CADM1: variants seen among roughly 807,000 people sequenced by gnomAD.
CADM1 encodes TSLC-1.
Under a neutral mutation model 53.1 loss-of-function variants are expected in CADM1, and 15 were observed. The ratio of observed to expected loss-of-function variants is 0.28; its 90% confidence interval spans 0.19 to 0.44. CADM1 has a LOEUF of 0.44. Among genes scored for constraint, CADM1 ranks in the 20% least tolerant of loss-of-function variants. The pLI, the probability that CADM1 is intolerant of heterozygous loss-of-function variation, is 1.00. For synonymous variants in CADM1, 281 were observed against 243.0 expected, an observed-to-expected ratio of 1.16 and a Z score of -1.45; for missense variants, 434 against 611.3, an observed-to-expected ratio of 0.71 and a Z score of 3.06.
At chr11:115,496,375 G>C (rs753538277) in intron 1 of CADM1, among the ~76,000 whole-genome samples, 1 of 152,176 alleles carries the variant, frequency 6.6e-6, no homozygotes, top group Non-Finnish European at 1.5e-5. Flanking sequence ...GATAAAGAGA[G>C]TATTTTATGC....
chr11:115,283,149 C>T (rs1439664052), intron 1 of CADM1, among the ~76,000 whole-genome samples: 2 of 152,092 alleles, frequency 1.3e-5, no homozygotes, highest in African/African-American at 4.8e-5. Context: ...ATATAGTTTT[C>T]TAAAATTAAG....
rs1288746524 is a variant in CADM1, at chr11:115,173,384, GCCA to G, written c.*3087_*3089del. 2 of 152,374 alleles carry G rather than the reference GCCA, an allele frequency of 1.3e-5. No homozygotes were observed. Among genetic ancestry groups the G allele is most frequent in the Non-Finnish European group, 2.9e-5 (2 of 68,166 alleles). The allele number at this position is 152,374 out of a possible 1,614,324, so 9.4% of individuals were successfully genotyped here. A position where few individuals can be genotyped will look rare whatever the true frequency, so the allele number is the denominator to read the frequency against. On this transcript the variant is annotated 3_prime_UTR_variant, in exon 12 of 12. Transcript: ENST00000331581. ...GAGTCCACGTGGGAGCCCAGACTCA[GCCA>G]CGGCACAGCACTTGGCTCACCTGTC...
chr11:115,321,206 A>G (rs1565363824), intron 1 of CADM1, among the ~76,000 whole-genome samples: 1 of 152,230 alleles, frequency 6.6e-6, no homozygotes, highest in Admixed American at 6.5e-5. Flanking sequence ...CTATCCCTTA[A>G]CAATGAAAGT....
At chr11:115,295,550 A>ATATATT (rs371584699) in intron 1 of CADM1, among the ~76,000 whole-genome samples, 158 of 52,962 alleles carry the variant, frequency 3.0e-3, no homozygotes, top group Non-Finnish European at 3.7e-3. Context: ...ATATATATAT[A>ATATATT]ATATATATGT....
chr11:115,233,060 A>G (rs1941879481), intron 3 of CADM1, among the ~76,000 whole-genome samples: 1 of 152,254 alleles, frequency 6.6e-6, no homozygotes, highest in African/African-American at 2.4e-5. Flanking sequence ...GGAGCAGTTG[A>G]AAATTCCTAT....
At chr11:115,466,648 T>C (rs1463509993) in intron 1 of CADM1, among the ~76,000 whole-genome samples, 1 of 152,134 alleles carries the variant, frequency 6.6e-6, no homozygotes, top group Non-Finnish European at 1.5e-5. Flanking sequence ...GAGATCAAAT[T>C]TGGACGAGGA....
chr11:115,294,620 G>C (rs769945402), intron 1 of CADM1, among the ~76,000 whole-genome samples: 4 of 151,980 alleles, frequency 2.6e-5, no homozygotes, highest in Admixed American at 6.6e-5. Context: ...TTCTTCTGAG[G>C]GTTCTTATAA....
intron 1 of CADM1, among the ~76,000 whole-genome samples, chr11:115,472,443 G>A (rs1949036989): frequency 6.6e-6 from 1 of 151,724 alleles, no homozygotes; most frequent in Non-Finnish European, 1.5e-5. Context: ...ACATATATAT[G>A]TATATAGGGG....
At chr11:115,364,309 T>C (rs1946103091) in intron 1 of CADM1, among the ~76,000 whole-genome samples, 1 of 152,238 alleles carries the variant, frequency 6.6e-6, no homozygotes, top group African/African-American at 2.4e-5. Context: ...TTTACATTTA[T>C]GCCCATCCTT....
At chr11:115,217,647 T>C (rs577727311) in intron 6 of CADM1, among the ~76,000 whole-genome samples, 2 of 152,338 alleles carry the variant, frequency 1.3e-5, no homozygotes, top group African/African-American at 2.4e-5. Context: ...ATCATGTTGA[T>C]AATAATAAAA....
intron 1 of CADM1, among the ~76,000 whole-genome samples, chr11:115,338,929 T>C (rs1394808941): frequency 6.9e-6 from 1 of 144,966 alleles, no homozygotes; most frequent in African/African-American, 2.6e-5. Context: ...AGTTTTAGGG[T>C]ACATGTGCAC....
chr11:115,414,547 G>C (rs1188716765), intron 1 of CADM1, among the ~76,000 whole-genome samples: 1 of 152,030 alleles, frequency 6.6e-6, no homozygotes, highest in Admixed American at 6.6e-5. Context: ...TCTCATCAAA[G>C]GAACAGAATT....
chr11:115,213,581 A>G (rs1941055839), intron 7 of CADM1, among the ~76,000 whole-genome samples: 1 of 152,030 alleles, frequency 6.6e-6, no homozygotes, highest in Non-Finnish European at 1.5e-5. Flanking sequence ...AAAGACTGCC[A>G]CTCCTATTTT....
intron 9 of CADM1, among the ~76,000 whole-genome samples, chr11:115,192,248 AC>A (rs1382452271): frequency 6.6e-6 from 1 of 152,222 alleles, no homozygotes; most frequent in African/African-American, 2.4e-5. Flanking sequence ...CGGCTGTCAC[AC>A]CATCAACCCT....
chr11:115,200,299 C>T (rs2134687451), intron 8 of CADM1, among the ~76,000 whole-genome samples: 1 of 152,288 alleles, frequency 6.6e-6, no homozygotes, highest in African/African-American at 2.4e-5. Context: ...GACACATTTC[C>T]TTAGTTGAAA....
intron 1 of CADM1, among the ~76,000 whole-genome samples, chr11:115,284,933 A>T (rs774521070): frequency 2.0e-5 from 3 of 152,264 alleles, no homozygotes; most frequent in Non-Finnish European, 4.4e-5. Context: ...ACTCTATCCA[A>T]GAATGCCATG....
intron 1 of CADM1, among the ~76,000 whole-genome samples, chr11:115,496,939 T>C (rs1363450358): frequency 1.3e-5 from 2 of 152,172 alleles, no homozygotes; most frequent in Admixed American, 1.3e-4. Context: ...CGTTAACTTT[T>C]AGGTTAATCC....
At chr11:115,374,829 A>C (rs916174844) in intron 1 of CADM1, among the ~76,000 whole-genome samples, 19 of 152,206 alleles carry the variant, frequency 1.2e-4, no homozygotes, top group African/African-American at 4.3e-4. Context: ...GAAAAAAGGG[A>C]TGAAGAAGCT....
chr11:115,445,335 A>T (rs1008146956), intron 1 of CADM1, among the ~76,000 whole-genome samples: 4 of 152,188 alleles, frequency 2.6e-5, no homozygotes, highest in African/African-American at 7.2e-5. Flanking sequence ...ACCGTGGGCC[A>T]GTTACTTAAC....
Sources: allele counts gnomAD v4.1 joint callset (sites outside exome capture counted in the v4.1 genomes callset), GRCh38; gene constraint gnomAD v4.1.1; transcripts MANE v1.5; gene names NCBI Gene and HGNC (gene_info 2026-07-23, HGNC 2026-07-21).